Variants in PCDH7 observed in about 807,000 individuals in gnomAD.
The protein encoded by PCDH7 is protocadherin-7.
Under a neutral mutation model 58.9 loss-of-function variants are expected in PCDH7, and 17 were observed. The ratio of observed to expected loss-of-function variants is 0.29; its 90% CI spans 0.20 to 0.43. The LOEUF (loss-of-function observed/expected upper bound fraction) is 0.43, where lower values mean the gene tolerates loss of function less well. PCDH7 is among the 20% of genes least tolerant of loss of function. PCDH7 has a pLI of 1.00. For synonymous variants in PCDH7, 664 were observed against 616.4 expected (o/e 1.08, Z -1.14); for missense variants, 1,274 against 1,441.0 (o/e 0.88, Z 1.88).
At chr4:31,025,471 T>C (rs1432880432) in intron 3 of PCDH7, among the ~76,000 whole-genome samples, 1 of 152,204 alleles carries the variant, frequency 6.6e-6, no homozygotes, top group African/African-American at 2.4e-5. Context: ...TGAAATGTTT[T>C]GATCCCACTT....
At chr4:30,964,250 A>ATTTTTTT (rs61539074) in intron 3 of PCDH7, among the ~76,000 whole-genome samples, 2 of 106,760 alleles carry the variant, frequency 1.9e-5, no homozygotes, top group East Asian at 2.2e-4. Context: ...TTATTTATTT[A>ATTTTTTT]TTTTTTTTTG....
chr4:31,057,638 A>G (rs1295881748), intron 3 of PCDH7, among the ~76,000 whole-genome samples: 5 of 152,180 alleles, frequency 3.3e-5, no homozygotes, highest in Non-Finnish European at 5.9e-5. Flanking sequence ...ATATCCCTTT[A>G]GGAATCAACA....
chr4:30,891,871 C>T (rs11937211), intron 1 of PCDH7, among the ~76,000 whole-genome samples: 26,164 of 150,812 alleles, frequency 0.17, 2,334 homozygotes, highest in African/African-American at 0.21. Context: ...TTTTTGTGCT[C>T]ACATGATATG....
chr4:31,113,831 CTTTTTTTTTTT>C (rs35105911), intron 3 of PCDH7, among the ~76,000 whole-genome samples: 2 of 107,504 alleles, frequency 1.9e-5, no homozygotes, highest in African/African-American at 7.7e-5. Context: ...GTTAACCTTT[CTTTTTTTTTTT>C]TTTTTTTTTG....
At chr4:31,041,769 G>A (rs928271905) in intron 3 of PCDH7, among the ~76,000 whole-genome samples, 1 of 152,022 alleles carries the variant, frequency 6.6e-6, no homozygotes, top group Non-Finnish European at 1.5e-5. Flanking sequence ...TGATGAAGAT[G>A]CAGAAATGCC....
At chr4:30,744,764 T>A (rs959425474) in intron 1 of PCDH7, among the ~76,000 whole-genome samples, 3 of 152,248 alleles carry the variant, frequency 2.0e-5, no homozygotes, top group Non-Finnish European at 4.4e-5. Context: ...TGAGTTGGGA[T>A]GTATTTTTCT....
At chr4:30,758,761 T>C (rs1014507952) in intron 1 of PCDH7, among the ~76,000 whole-genome samples, 3 of 152,166 alleles carry the variant, frequency 2.0e-5, no homozygotes, top group Admixed American at 6.5e-5. Context: ...GGATTGCTCA[T>C]TGCTTTTTTA....
rs952781307 is a variant in PCDH7 at position 30,960,891 on chromosome 4, T to C, written c.*7+10676T>C. The stretch of plus-strand genomic sequence containing the variant: ...TGTGAAATAAAATTTAGTTTTAAGA[T>C]GTTTTATGTTTTAATCTGAGTAAAC... On this transcript the variant is annotated intron_variant, in intron 3 of 3. Transcript: ENST00000509759. Among the ~76,000 whole-genome samples the C allele has an allele frequency of 6.6e-5, 10 of 152,336 alleles. 1 individual carries two copies. Among genetic ancestry groups the C allele is most frequent in the East Asian group, 3.9e-4 (2 of 5,182 alleles).
intron 2 of PCDH7, among the ~76,000 whole-genome samples, chr4:30,937,646 C>A (rs1015584399): frequency 6.6e-6 from 1 of 152,020 alleles, no homozygotes; most frequent in Non-Finnish European, 1.5e-5. Context: ...TGCACACTAA[C>A]ACATTTTCAA....
chr4:30,988,935 A>G (rs575143803), intron 3 of PCDH7, among the ~76,000 whole-genome samples: 1 of 152,316 alleles, frequency 6.6e-6, no homozygotes, highest in African/African-American at 2.4e-5. Flanking sequence ...GATTTTTAGA[A>G]AAACTGACAG....
intron 1 of PCDH7, among the ~76,000 whole-genome samples, chr4:30,815,552 G>T (rs929447756): frequency 4.6e-5 from 7 of 152,176 alleles, no homozygotes; most frequent in African/African-American, 1.7e-4. Context: ...CTGTCCACAT[G>T]CCTGTGGCCT....
At chr4:30,878,277 A>G (rs1736536022) in intron 1 of PCDH7, among the ~76,000 whole-genome samples, 1 of 152,132 alleles carries the variant, frequency 6.6e-6, no homozygotes, top group Non-Finnish European at 1.5e-5. Flanking sequence ...AGGGCAAGGG[A>G]GTCCACTTCT....
chr4:30,902,718 A>T (rs1415866235), intron 1 of PCDH7, among the ~76,000 whole-genome samples: 2 of 152,134 alleles, frequency 1.3e-5, no homozygotes, highest in Non-Finnish European at 1.5e-5. Flanking sequence ...TAAGGAAAAA[A>T]GTTTAAAAAA....
At chr4:30,737,133 G>C (rs150718115), downstream of PCDH7, among the ~76,000 whole-genome samples, 1 of 152,094 alleles carries the variant, frequency 6.6e-6, no homozygotes, top group East Asian at 1.9e-4. Context: ...GTGTGACCTT[G>C]TGAAGTCCCG....
At chr4:30,864,273 A>AAT (rs1240583531) in intron 1 of PCDH7, among the ~76,000 whole-genome samples, 1 of 152,070 alleles carries the variant, frequency 6.6e-6, no homozygotes, top group Non-Finnish European at 1.5e-5. Flanking sequence ...GTACATCCCG[A>AAT]ATATGAGACA....
intron 3 of PCDH7, among the ~76,000 whole-genome samples, chr4:31,007,955 G>A (rs1464556714): frequency 6.6e-6 from 1 of 152,024 alleles, no homozygotes; most frequent in Non-Finnish European, 1.5e-5. Flanking sequence ...AAACCTTCCT[G>A]TTACAACTAT....
At chr4:30,946,062 G>A (rs79498426) in intron 2 of PCDH7, among the ~76,000 whole-genome samples, 2,660 of 152,274 alleles carry the variant, frequency 0.017, 79 homozygotes, top group African/African-American at 0.06. Context: ...GAAGCCCTGA[G>A]TATAACCATG....
chr4:30,860,706 T>C (rs1734093657), intron 1 of PCDH7, among the ~76,000 whole-genome samples: 3 of 152,178 alleles, frequency 2.0e-5, no homozygotes. Flanking sequence ...ATAATCTGTA[T>C]TAAAATTTTT....
intron 1 of PCDH7, among the ~76,000 whole-genome samples, chr4:30,729,943 A>T: frequency 6.6e-6 from 1 of 151,968 alleles, no homozygotes; most frequent in East Asian, 1.9e-4. Flanking sequence ...AAATTATTGA[A>T]TCTATTAATT....
Sources: gnomAD v4.1 joint callset for allele counts (sites outside exome capture counted in the v4.1 genomes callset) on GRCh38, gnomAD v4.1.1 for gene constraint, MANE v1.5 for transcripts, NCBI Gene and HGNC (gene_info 2026-07-23, HGNC 2026-07-21) for gene names.